The following PAM variants were observed in gnomAD, a reference collection of about 807,000 sequenced individuals.
PAM encodes the protein peptidylglycine alpha-amidating monooxygenase, also known as peptidyl-glycine alpha-amidating monooxygenase.
A neutral mutation model predicts 122.1 loss-of-function variants in PAM; 72 were observed. That is an observed-to-expected ratio of 0.59 (90% CI 0.49 to 0.72). The LOEUF is 0.72. PAM is among the 30% of genes least tolerant of loss of function. The probability of loss-of-function intolerance (pLI) is 0.00; values close to 1 mark genes in which losing one functional copy is unlikely to be tolerated. For synonymous variants in PAM, 389 were observed against 404.4 expected (o/e 0.96, Z 0.46); for missense variants, 1,106 against 1,183.7 (o/e 0.93, Z 0.96).
intron 15 of PAM, among the ~76,000 whole-genome samples, chr5:102,989,026 A>G (rs1321400801): frequency 1.3e-5 from 2 of 152,158 alleles, no homozygotes; most frequent in Non-Finnish European, 2.9e-5. Context: ...TCAGAGTGGC[A>G]AGGAGGAATG....
At chr5:102,839,892 A>G (rs1778128225) in intron 1 of PAM, among the ~76,000 whole-genome samples, 2 of 152,326 alleles carry the variant, frequency 1.3e-5, no homozygotes, top group Admixed American at 1.3e-4. Context: ...AACTGGGTAC[A>G]GGTTATCTGC....
At chr5:102,849,555 C>CA (rs538988180) in intron 1 of PAM, among the ~76,000 whole-genome samples, 1,872 of 72,734 alleles carry the variant, frequency 0.026, 28 homozygotes, top group African/African-American at 0.056. Flanking sequence ...AAGACTGTCT[C>CA]AAAAAAAAAA....
At chr5:102,904,137 G>C (rs1798831091) in intron 4 of PAM, among the ~76,000 whole-genome samples, 1 of 151,460 alleles carries the variant, frequency 6.6e-6, no homozygotes, top group Admixed American at 6.6e-5. Context: ...TGATGGCATA[G>C]AGAATGAAGC....
intron 1 of PAM, among the ~76,000 whole-genome samples, chr5:102,846,902 C>A (rs1028454864): frequency 1.4e-4 from 21 of 152,194 alleles, no homozygotes; most frequent in Non-Finnish European, 2.9e-4. Flanking sequence ...CAACTAACAT[C>A]TCCTTTTCTT....
rs550909825 is a variant in PAM, at chr5:102,761,400, G to A, written c.-374+6052G>A. ...CAAAGAATAATAGGTCCAGCCAACAGTTGCAGTAACAAAGGACGGTTTTTA... is the reference window on the plus strand; with the variant it reads ...CAAAGAATAATAGGTCCAGCCAACAATTGCAGTAACAAAGGACGGTTTTTA... On this transcript the variant is annotated intron_variant, in intron 1 of 25. Transcript: ENST00000438793. 1.1e-4 allele frequency among the ~76,000 whole-genome samples: 16 copies of A among 152,322 alleles called. No individual in the cohort carries two copies. In the South Asian group the frequency reaches 3.3e-3, roughly 32 times the overall value.
intron 1 of PAM, among the ~76,000 whole-genome samples, chr5:102,858,963 A>C (rs1783344977): frequency 6.6e-6 from 1 of 152,198 alleles, no homozygotes; most frequent in Non-Finnish European, 1.5e-5. Context: ...TCATAATGTC[A>C]ATGCATTACT....
intron 14 of PAM, among the ~76,000 whole-genome samples, chr5:102,964,368 C>G (rs1763404832): frequency 6.6e-6 from 1 of 151,896 alleles, no homozygotes; most frequent in Non-Finnish European, 1.5e-5. Context: ...TTCACCATAT[C>G]TTTGTCTACA....
chr5:102,889,116 C>T (rs1430557741), intron 3 of PAM, among the ~76,000 whole-genome samples: 1 of 151,926 alleles, frequency 6.6e-6, no homozygotes, highest in Non-Finnish European at 1.5e-5. Flanking sequence ...TGGATATTCT[C>T]CACTGGCCTC....
chr5:102,985,193 A>C (rs1771365122), intron 15 of PAM, among the ~76,000 whole-genome samples: 1 of 152,018 alleles, frequency 6.6e-6, no homozygotes, highest in Non-Finnish European at 1.5e-5. Flanking sequence ...GAACAAACCA[A>C]ACCCAAAATT....
Position 102,949,828 on chromosome 5 carries a change from T to C in PAM, c.725-74T>C, listed in dbSNP as rs999830269. ...AAATACTCAGATTTCTACTTTAAAG[T>C]AGGAAAGTAAATATGCCTTTTGTTT... On this transcript the variant is annotated intron_variant, in intron 10 of 25. Coordinates refer to ENST00000438793, the MANE Select transcript of PAM (RefSeq NM_001177306.2). 3.6e-6 allele frequency: 3 copies of C among 826,744 alleles called. No homozygotes were observed. The South Asian group carries it at 4.6e-5, about 13-fold the overall frequency. 51.2% of individuals were successfully genotyped at this position (826,744 alleles called of 1,614,324 possible). A position where few individuals can be genotyped will look rare whatever the true frequency, so the allele number is the denominator to read the frequency against.
chr5:102,807,164 C>T (rs916178633), intron 1 of PAM, among the ~76,000 whole-genome samples: 7 of 152,088 alleles, frequency 4.6e-5, no homozygotes, highest in Non-Finnish European at 7.4e-5. Context: ...TGTTTAAAAA[C>T]ATGTCAATGT....
At chr5:102,963,301 G>A (rs1337112958) in intron 14 of PAM, among the ~76,000 whole-genome samples, 1 of 151,932 alleles carries the variant, frequency 6.6e-6, no homozygotes, top group Non-Finnish European at 1.5e-5. Flanking sequence ...AACACATAGG[G>A]CAAATCTCAT....
chr5:102,931,536 A>G (rs1751509239), intron 7 of PAM, among the ~76,000 whole-genome samples: 1 of 152,104 alleles, frequency 6.6e-6, no homozygotes, highest in South Asian at 2.1e-4. Flanking sequence ...GCCTAGGGGA[A>G]TCTTAAGAAA....
chr5:102,848,088 G>C (rs1261390965), intron 1 of PAM, among the ~76,000 whole-genome samples: 4 of 152,062 alleles, frequency 2.6e-5, no homozygotes, highest in African/African-American at 9.7e-5. Flanking sequence ...AATGCCTAAG[G>C]AAAAGAATTC....
chr5:102,773,799 G>T (rs975733717), intron 1 of PAM, among the ~76,000 whole-genome samples: 3 of 151,990 alleles, frequency 2.0e-5, no homozygotes, highest in Non-Finnish European at 4.4e-5. Context: ...TGTCACAGAG[G>T]TTTGTTGTAC....
chr5:102,766,913 G>C (rs1754118853), intron 1 of PAM, among the ~76,000 whole-genome samples: 1 of 32,878 alleles, frequency 3.0e-5, no homozygotes. Context: ...TTATTTTATT[G>C]CTTCAGTTGT....
chr5:102,944,229 T>C (rs1479170481), intron 7 of PAM, among the ~76,000 whole-genome samples: 1 of 152,134 alleles, frequency 6.6e-6, no homozygotes, highest in Non-Finnish European at 1.5e-5. Context: ...TTCATCTCCA[T>C]ATCTTGAAAA....
Position 102,992,347 on chromosome 5 carries a change from AT to A in PAM, c.1613+1955del, listed in dbSNP as rs3836844. Reference sequence around the variant, plus strand: ...ATCTTTGTCTTTCAGATGTAAAACTATTTTTTTTTCTCTCTTTCCTTCTCCC... The same window carrying A: ...ATCTTTGTCTTTCAGATGTAAAACTATTTTTTTTCTCTCTTTCCTTCTCCC... On this transcript the variant is annotated intron_variant, in intron 16 of 25. Transcript: ENST00000438793. Among the ~76,000 whole-genome samples the A allele has an allele frequency of 8.6e-5, 13 of 151,212 alleles. No individual in the cohort carries two copies. The East Asian group carries it at 2.5e-3, about 29-fold the overall frequency.
At chr5:102,883,075 A>G (rs868117598) in intron 3 of PAM, among the ~76,000 whole-genome samples, 8 of 151,720 alleles carry the variant, frequency 5.3e-5, no homozygotes, top group Admixed American at 6.6e-5. Flanking sequence ...CCATTGGTCT[A>G]TGTGCTTGTG....
Sources: gnomAD v4.1 joint callset for allele counts (sites outside exome capture counted in the v4.1 genomes callset) on GRCh38, gnomAD v4.1.1 for gene constraint, MANE v1.5 for transcripts, NCBI Gene and HGNC (gene_info 2026-07-23, HGNC 2026-07-21) for gene names.